Variants in TAF1C observed in about 807,000 individuals in gnomAD.
The protein encoded by TAF1C is TATA box-binding protein-associated factor RNA polymerase I subunit C.
TAF1C carries 79 observed loss-of-function variants against 70.5 expected under a neutral mutation model. That is an observed-to-expected ratio of 1.12 (90% confidence interval 0.93 to 1.35). The LOEUF is 1.35. TAF1C is among the 40% of genes most tolerant of loss of function. The probability of loss-of-function intolerance (pLI) is 0.00; values close to 1 mark genes in which losing one functional copy is unlikely to be tolerated. For synonymous variants in TAF1C, 614 were observed against 491.1 expected, an observed-to-expected ratio of 1.25 and a Z score of -3.31; for missense variants, 1,412 against 1,127.8, an observed-to-expected ratio of 1.25 and a Z score of -3.61.
rs772165346 is a variant in TAF1C, at chr16:84,180,067, C to T, written c.1500G>A (p.Val500=). ...LLHLAGEGAS[V]PRLAGPPQSL... ...ACTGGGGGGGGCCTGCCAGGCGGGG[C>T]ACCGACGCCCCTTCTCCTGAGGAAG... is the stretch of plus-strand genomic sequence containing the variant. Residue 500 remains valine, a synonymous_variant, in exon 14 of 15, where the codon GTG becomes GTA. Transcript: ENST00000566732. 1 of 1,599,312 alleles carries T rather than the reference C, an allele frequency of 6.3e-7. No homozygotes were observed. The highest frequency in any genetic ancestry group is 2.2e-5 in the East Asian group (1 of 44,842).
chr16:84,181,937 C>G lies in TAF1C; in HGVS notation c.838+5G>C. ...GAGGGAGGAAAGTGTATATAAGGGCCTTACTTTCTCCCTGGACGGTGCATG... is the reference window on the plus strand; with the variant it reads ...GAGGGAGGAAAGTGTATATAAGGGCGTTACTTTCTCCCTGGACGGTGCATG... On this transcript the variant is annotated splice_donor_5th_base_variant and intron_variant, in intron 8 of 14. Coordinates refer to ENST00000566732, the MANE Select transcript of TAF1C (RefSeq NM_001243156.2). 2 of 1,614,060 alleles carry G rather than the reference C, an allele frequency of 1.2e-6. No homozygotes were observed. The highest frequency in any genetic ancestry group is 1.7e-6 in the Non-Finnish European group (2 of 1,180,022).
chr16:84,178,825 T>A lies in TAF1C; in HGVS notation c.*116A>T. ...CAAATTGCTTGGCTCATCATCACAGTGGCCTCCAGAAGGTGGCGAGCTCTG... is the reference window on the plus strand; with the variant it reads ...CAAATTGCTTGGCTCATCATCACAGAGGCCTCCAGAAGGTGGCGAGCTCTG... On this transcript the variant is annotated 3_prime_UTR_variant, in exon 15 of 15. Coordinates refer to ENST00000566732, the MANE Select transcript of TAF1C (RefSeq NM_001243156.2). 1 of 1,167,102 alleles carries A rather than the reference T, an allele frequency of 8.6e-7. No individual in the cohort carries two copies. The highest frequency in any genetic ancestry group is 1.2e-6 in the Non-Finnish European group (1 of 841,578). The allele number at this position is 1,167,102 out of a possible 1,614,324, so 72.3% of individuals were successfully genotyped here. A position where few individuals can be genotyped will look rare whatever the true frequency, so the allele number is the denominator to read the frequency against.
In TAF1C at chr16:84,179,781, C is replaced by A. The variant is rs778087874; in HGVS notation, c.1692G>T (p.Ala564=). The A allele has an allele frequency of 6.2e-7, 1 of 1,609,722 alleles. No homozygotes were observed. Among genetic ancestry groups the A allele is most frequent in the East Asian group, 2.2e-5 (1 of 44,790 alleles). Residue 564 remains alanine, a synonymous_variant, in exon 15 of 15, where the codon GCG becomes GCT. Transcript: ENST00000566732. ...GCTGCTGGTAGAAGACATCTCCCGC[C>A]GCCGAGAGCTGGAAGAGCACCAGGC... The part of the protein sequence containing the change: ...TPGLVLFQLS[A]AGDVFYQQLR...
Position 84,179,673 on chromosome 16 carries a change from A to G in TAF1C, c.1800T>C (p.Ala600=), listed in dbSNP as rs2089002691. 6.2e-7 allele frequency: 1 copy of G among 1,612,540 alleles called. No homozygotes were observed. Among genetic ancestry groups the G allele is most frequent in the South Asian group, 1.1e-5 (1 of 91,068 alleles). Residue 600 remains alanine, a synonymous_variant, in exon 15 of 15, where the codon GCT becomes GCC. Coordinates refer to ENST00000566732, the MANE Select transcript of TAF1C (RefSeq NM_001243156.2). ...CGGCAGTGTCCTGGGAGGTCCAGGA[A>G]GCTGTGGGGGCATGGCAGTCAGGTT... ...DTQPDCHAPT[A]SWTSQDTAGC...
At position 84,179,806 on chromosome 16, in the gene TAF1C, C is replaced by A. The variant is rs2089017991; in HGVS notation, c.1667G>T (p.Gly556Val). 1.2e-6 allele frequency: 2 copies of A among 1,609,758 alleles called. No homozygotes were observed. Among genetic ancestry groups the A allele is most frequent in the Non-Finnish European group, 1.7e-6 (2 of 1,178,580 alleles). ...CGCCGAGAGCTGGAAGAGCACCAGG[C>A]CTGGTGTGGGCGCTGAGGGCAAGGG... ...VPPLPSAPTP[G>V]LVLFQLSAAG... The change falls in exon 15 of 15, where the codon GGC (glycine) becomes GTC (valine). Residue 556 changes from glycine to valine, a missense_variant. Transcript: ENST00000566732.
intron 1 of TAF1C, among the ~76,000 whole-genome samples, chr16:84,186,596 A>G (rs2089500878): frequency 6.6e-6 from 1 of 152,250 alleles, no homozygotes; most frequent in South Asian, 2.1e-4. Flanking sequence ...GGAACCGCAT[A>G]GCCTGAAACG....
chr16:84,181,099 G>T lies in TAF1C; in HGVS notation c.1252C>A (p.Leu418Met), dbSNP rs1330103247. ...KGERVLLTQY[L>M]GHSSPKCLPP... ...AGGCATTTGGGGCTGGAGTGCCCCA[G>T]GTACTGGGTAAGCAGGACACGTTCC... Residue 418 changes from leucine (L) to methionine (M), a missense_variant, in exon 12 of 15, where the codon CTG (leucine) becomes ATG (methionine). Physicochemically the swap from Leu to Met is conservative, Grantham distance 15. Coordinates refer to ENST00000566732, the MANE Select transcript of TAF1C (RefSeq NM_001243156.2). 1 of 1,613,072 alleles carries T rather than the reference G, an allele frequency of 6.2e-7. No homozygotes were observed.
intron 5 of TAF1C, 40 bp downstream of exon 5, chr16:84,183,204 C>T (rs1190303329): frequency 6.2e-7 from 1 of 1,613,892 alleles, no homozygotes; most frequent in Non-Finnish European, 8.5e-7. Context: ...CCCTGAAGGA[C>T]AGCAGGGAGT....
In TAF1C at chr16:84,180,153, C is replaced by G. The variant is rs750066168; in HGVS notation, c.1483+17G>C. On this transcript the variant is annotated intron_variant, in intron 13 of 14. Transcript: ENST00000566732. ...CCCCATCTCCCACACGCCGCCCACC[C>G]TGGCCTGGACCCTCACCTGCCAGGT... is the stretch of plus-strand genomic sequence containing the variant. 3.9e-6 allele frequency: 6 copies of G among 1,558,360 alleles called. No individual in the cohort carries two copies. The highest frequency in any genetic ancestry group is 5.2e-6 in the Non-Finnish European group (6 of 1,159,526).
Position 84,179,109 on chromosome 16 carries a change from C to G in TAF1C, c.2364G>C (p.Met788Ile). Residue 788 changes from methionine to isoleucine, a missense_variant, in exon 15 of 15, where the codon ATG becomes ATC. Met to Ile is a conservative substitution (Grantham distance 10, BLOSUM62 1). Transcript: ENST00000566732. The part of the protein sequence containing the change: ...AQGVPSEQRQ[M>I]LRDYMAKLPP... The stretch of plus-strand genomic sequence containing the variant: ...GTAGCTTGGCCATGTAGTCACGGAG[C>G]ATCTGCCGCTGCTCTGATGGGACGC... 2 of 1,609,230 alleles carry G rather than the reference C, an allele frequency of 1.2e-6. No homozygotes were observed. The highest frequency in any genetic ancestry group is 1.7e-6 in the Non-Finnish European group (2 of 1,178,440).
intron 1 of TAF1C, among the ~76,000 whole-genome samples, chr16:84,186,371 C>T (rs2089489285): frequency 6.6e-6 from 1 of 152,100 alleles, no homozygotes; most frequent in Non-Finnish European, 1.5e-5. Flanking sequence ...CCGGCCAATA[C>T]AGTGAAACCC....
intron 1 of TAF1C, 105 bp from the exon 2 acceptor site, chr16:84,185,165 A>G: frequency 1.4e-6 from 1 of 691,122 alleles, no homozygotes; most frequent in Non-Finnish European, 2.3e-6. Flanking sequence ...GAACTGTATT[A>G]AAGCCAACCA....
At position 84,180,656 on chromosome 16, in the gene TAF1C, C is replaced by T. The variant is rs1017240; in HGVS notation, c.1309-312G>A. 2.0e-4 allele frequency: 142 copies of T among 694,594 alleles called. 1 individual carries two copies. The East Asian group carries it at 4.1e-3, about 20-fold the overall frequency. The allele number at this position is 694,594 out of a possible 1,614,324, so 43.0% of individuals were successfully genotyped here. ...CGCAGCCACCCCCACTCTCCTGACC[C>T]GGGAGCCTGTGCTCGAGGCACGCCT... On this transcript the variant is annotated intron_variant, in intron 12 of 14. Transcript: ENST00000566732.
In TAF1C at chr16:84,187,011, GA is replaced by G. The variant is rs2089525152; in HGVS notation, c.-184del. The stretch of plus-strand genomic sequence containing the variant: ...GTAGAACCCCAGCTTTGGCACTCGG[GA>G]CGGGTCAGCCCCGCCGCAGCTACCC... On this transcript the variant is annotated 5_prime_UTR_variant, in exon 1 of 15. Transcript: ENST00000566732. 6.6e-6 allele frequency: 1 copy of G among 152,142 alleles called. No homozygotes were observed. The highest frequency in any genetic ancestry group is 1.5e-5 in the Non-Finnish European group (1 of 68,032). 9.4% of individuals were successfully genotyped at this position (152,142 alleles called of 1,614,324 possible). A position where few individuals can be genotyped will look rare whatever the true frequency, so the allele number is the denominator to read the frequency against.
At chr16:84,185,323 C>T in intron 1 of TAF1C, 2 of 192,220 alleles carry the variant, frequency 1.0e-5, no homozygotes, top group South Asian at 2.5e-4. Flanking sequence ...GAAGAGGGTT[C>T]CAGGCCGAAC....
chr16:84,179,022 G>A lies in TAF1C; in HGVS notation c.2451C>T (p.Val817=). Residue 817 remains valine, a synonymous_variant, in exon 15 of 15, where the codon GTC becomes GTT. Coordinates refer to ENST00000566732, the MANE Select transcript of TAF1C (RefSeq NM_001243156.2). ...TTPPHSQASS[V]RATRSQQHTP... is the part of the protein sequence containing the mutation. Reference sequence around the variant, plus strand: ...TGTGCTGCTGGGAGCGAGTGGCCCGGACGCTGGAGGCCTGGGAGTGGGGAG... The same window carrying A: ...TGTGCTGCTGGGAGCGAGTGGCCCGAACGCTGGAGGCCTGGGAGTGGGGAG... The A allele has an allele frequency of 6.2e-7, 1 of 1,610,772 alleles. No homozygotes were observed.
In TAF1C at chr16:84,181,078, A is replaced by G. The variant is rs573182425; in HGVS notation, c.1273T>C (p.Cys425Arg). The change falls in exon 12 of 15, where the codon TGC becomes CGC. Residue 425 changes from cysteine (C) to arginine (R), a missense_variant. Coordinates refer to ENST00000566732, the MANE Select transcript of TAF1C (RefSeq NM_001243156.2). ...ACGAGATGAAGAGTAGGGGGGAGGC[A>G]TTTGGGGCTGGAGTGCCCCAGGTAC... is the stretch of plus-strand genomic sequence containing the variant. ...TQYLGHSSPK[C>R]LPPTLHLVCT... 4.3e-6 allele frequency: 7 copies of G among 1,612,296 alleles called. No individual in the cohort carries two copies. In the South Asian group the frequency reaches 7.7e-5, roughly 18 times the overall value.
intron 2 of TAF1C, 63 bp from the exon 3 acceptor site, chr16:84,183,841 C>T: frequency 2.4e-6 from 3 of 1,266,378 alleles, no homozygotes; most frequent in Non-Finnish European, 3.4e-6. Flanking sequence ...CCAGGCTGTG[C>T]ACAGGCATTC....
Position 84,181,609 on chromosome 16 carries a change from C to G in TAF1C, c.1011G>C (p.Leu337=). ...AICSRSGAVC[L]WSPEDGLRQI... ...GGCGATACCCATCCTCAGGGCTCCA[C>G]AGGCAGACGGCTCCCGAGCGGCTGC... The change falls in exon 10 of 15, where the codon CTG becomes CTC. Residue 337 remains leucine, a synonymous_variant. Transcript: ENST00000566732. 6.2e-7 allele frequency: 1 copy of G among 1,613,904 alleles called. No homozygotes were observed. Among genetic ancestry groups the G allele is most frequent in the Non-Finnish European group, 8.5e-7 (1 of 1,179,966 alleles).
Sources: allele counts gnomAD v4.1 joint callset (sites outside exome capture counted in the v4.1 genomes callset), GRCh38; gene constraint gnomAD v4.1.1; transcripts MANE v1.5; gene names NCBI Gene and HGNC (gene_info 2026-07-23, HGNC 2026-07-21).